Variants in PARD3 observed in about 807,000 individuals in gnomAD.
The protein encoded by PARD3 is par-3 family cell polarity regulator, also known as partitioning defective 3 homolog.
Under a neutral mutation model 155.4 loss-of-function variants are expected in PARD3, and 75 were observed. The ratio of observed to expected loss-of-function variants is 0.48; its 90% confidence interval spans 0.40 to 0.58. The LOEUF (loss-of-function observed/expected upper bound fraction) is 0.58. Among genes scored for constraint, PARD3 ranks in the 20% least tolerant of loss-of-function variants. PARD3 has a pLI of 0.00. For missense variants in PARD3, 1,642 were observed against 1,721.7 expected, an observed-to-expected ratio of 0.95 and a Z score of 0.82; for synonymous variants, 576 against 610.5, an observed-to-expected ratio of 0.94 and a Z score of 0.83.
intron 2 of PARD3, among the ~76,000 whole-genome samples, chr10:34,569,232 A>T (rs1371587761): frequency 6.6e-6 from 1 of 152,212 alleles, no homozygotes; most frequent in Non-Finnish European, 1.5e-5. Context: ...ACGCAAAATC[A>T]TTCAACAGAA....
chr10:34,720,390 G>A (rs756890752), intron 1 of PARD3, among the ~76,000 whole-genome samples: 3 of 143,282 alleles, frequency 2.1e-5, no homozygotes, highest in Non-Finnish European at 3.0e-5. Context: ...GGTAGAGGTT[G>A]CAGTGAGCTG....
At chr10:34,335,162 G>C (rs1297554266) in intron 18 of PARD3, among the ~76,000 whole-genome samples, 1 of 151,874 alleles carries the variant, frequency 6.6e-6, no homozygotes, top group Non-Finnish European at 1.5e-5. Flanking sequence ...AAACAACTCA[G>C]TAAGGGATAA....
At chr10:34,625,756 T>G (rs1020931512) in intron 2 of PARD3, among the ~76,000 whole-genome samples, 5 of 151,650 alleles carry the variant, frequency 3.3e-5, no homozygotes, top group African/African-American at 9.7e-5. Flanking sequence ...CTACTAAAAA[T>G]AAAAATTAGC....
chr10:34,785,931 G>A (rs144485573), intron 1 of PARD3, among the ~76,000 whole-genome samples: 9 of 152,262 alleles, frequency 5.9e-5, no homozygotes, highest in Non-Finnish European at 1.0e-4. Flanking sequence ...TGAAAATGTA[G>A]GACCAGTTGA....
intron 3 of PARD3, among the ~76,000 whole-genome samples, chr10:34,478,541 A>G (rs1649834981): frequency 6.6e-6 from 1 of 152,190 alleles, no homozygotes. Context: ...AGGGGAAAAA[A>G]ACATATGCAA....
At chr10:34,760,195 C>T (rs139879695) in intron 1 of PARD3, among the ~76,000 whole-genome samples, 3 of 15,716 alleles carry the variant, frequency 1.9e-4, no homozygotes. Flanking sequence ...TGGGGGACAG[C>T]GCAGCGGTGT....
At chr10:34,337,044 T>C (rs933051245) in intron 17 of PARD3, among the ~76,000 whole-genome samples, 6 of 152,188 alleles carry the variant, frequency 3.9e-5, no homozygotes, top group Admixed American at 1.3e-4. Flanking sequence ...TTTGTTTCCA[T>C]TCTCTTAAGA....
chr10:34,213,082 C>CT (rs1160499182), intron 22 of PARD3, among the ~76,000 whole-genome samples: 1 of 152,142 alleles, frequency 6.6e-6, no homozygotes, highest in Non-Finnish European at 1.5e-5. Flanking sequence ...CACAGAATAC[C>CT]TAAGACCATG....
At chr10:34,471,216 T>C (rs2078325945) in intron 3 of PARD3, among the ~76,000 whole-genome samples, 1 of 152,192 alleles carries the variant, frequency 6.6e-6, no homozygotes, top group African/African-American at 2.4e-5. Context: ...ACACGAAAGG[T>C]AGTATTTTAG....
At position 34,140,633 on chromosome 10, in the gene PARD3, G is replaced by A. The variant is rs78407847; in HGVS notation, c.3420-9050C>T. 5.7e-3 allele frequency among the ~76,000 whole-genome samples: 864 copies of A among 152,280 alleles called. 8 individuals carry two copies. Among genetic ancestry groups the A allele is most frequent in the African/African-American group, 0.019 (792 of 41,576 alleles). On this transcript the variant is annotated intron_variant, in intron 22 of 24. Transcript: ENST00000374788. ...TATGAGGAATGGAGGAAGGGTGGGA[G>A]GGTTAAACCAAGAAATGTATCAATT...
intron 11 of PARD3, 61 bp from the exon 12 acceptor site, chr10:34,372,597 G>T: frequency 8.8e-7 from 1 of 1,134,050 alleles, no homozygotes; most frequent in Non-Finnish European, 1.3e-6. Flanking sequence ...AACACACAGG[G>T]ACACAATGAT....
chr10:34,503,874 C>T (rs2080873302), intron 3 of PARD3, among the ~76,000 whole-genome samples: 1 of 152,138 alleles, frequency 6.6e-6, no homozygotes, highest in Admixed American at 6.6e-5. Flanking sequence ...TTTATGAGAA[C>T]AAGAAAGGAG....
intron 24 of PARD3, among the ~76,000 whole-genome samples, chr10:34,115,712 CTTTT>C (rs1029767685): frequency 7.1e-6 from 1 of 141,532 alleles, no homozygotes; most frequent in South Asian, 2.2e-4. Flanking sequence ...TAATTTTTTT[CTTTT>C]TTTTTTTTTT....
chr10:34,521,109 A>G (rs1161674701), intron 2 of PARD3, among the ~76,000 whole-genome samples: 1 of 152,238 alleles, frequency 6.6e-6, no homozygotes, highest in East Asian at 1.9e-4. Flanking sequence ...ATTACAAAGA[A>G]TAAGTCTTTA....
chr10:34,794,069 A>G (rs1192479450), intron 1 of PARD3, among the ~76,000 whole-genome samples: 1 of 151,330 alleles, frequency 6.6e-6, no homozygotes, highest in East Asian at 2.0e-4. Flanking sequence ...ACTCCATTCA[A>G]TCTCCCGTAA....
chr10:34,583,621 C>A (rs1172699078), intron 2 of PARD3, among the ~76,000 whole-genome samples: 7 of 152,102 alleles, frequency 4.6e-5, no homozygotes, highest in Non-Finnish European at 1.5e-5. Context: ...TCTGCCTTTA[C>A]ACAGAGTTAA....
chr10:34,460,908 T>C (rs904596569), intron 4 of PARD3, among the ~76,000 whole-genome samples: 1 of 152,228 alleles, frequency 6.6e-6, no homozygotes, highest in African/African-American at 2.4e-5. Flanking sequence ...TATAATTAAA[T>C]GATATATAAC....
chr10:34,207,164 TC>T (rs557607573), intron 22 of PARD3, among the ~76,000 whole-genome samples: 160 of 152,290 alleles, frequency 1.1e-3, no homozygotes, highest in African/African-American at 3.7e-3. Flanking sequence ...CATCAGCAAT[TC>T]ACGCCTCAAA....
At chr10:34,695,012 G>C (rs1466870336) in intron 2 of PARD3, among the ~76,000 whole-genome samples, 1 of 152,048 alleles carries the variant, frequency 6.6e-6, no homozygotes, top group Non-Finnish European at 1.5e-5. Context: ...GTGAATATCT[G>C]GGTGATCTTA....
Sources: gnomAD v4.1 joint callset for allele counts (sites outside exome capture counted in the v4.1 genomes callset) on GRCh38, gnomAD v4.1.1 for gene constraint, MANE v1.5 for transcripts, NCBI Gene and HGNC (gene_info 2026-07-23, HGNC 2026-07-21) for gene names.